Variants in PCDHA1 observed in about 807,000 individuals in gnomAD.
The protein encoded by PCDHA1 is protocadherin alpha 1.
Under a neutral mutation model 61.3 loss-of-function variants are expected in PCDHA1, and 42 were observed. That is an observed-to-expected ratio of 0.69 (90% CI 0.54 to 0.89). The LOEUF (loss-of-function observed/expected upper bound fraction) is 0.89, where lower values mean the gene tolerates loss of function less well. PCDHA1 is among the 40% of genes least tolerant of loss of function. The pLI, the probability that PCDHA1 is intolerant of heterozygous loss-of-function variation, is 0.00. For missense variants in PCDHA1, 1,256 were observed against 1,235.3 expected, an observed-to-expected ratio of 1.02 and a Z score of -0.25; for synonymous variants, 610 against 553.8, an observed-to-expected ratio of 1.10 and a Z score of -1.43.
rs1219590569 is a variant in PCDHA1, at chr5:140,835,123, A to G, written c.2394+46439A>G. 4 of 1,326,346 alleles carry G rather than the reference A, an allele frequency of 3.0e-6. No homozygotes were observed. In the African/African-American group the frequency reaches 4.8e-5, roughly 16 times the overall value. The allele number at this position is 1,326,346 out of a possible 1,614,324, so 82.2% of individuals were successfully genotyped here. ...GCCCCAGTGTTCGACAGAACCCTGT[A>G]TACGGTGAAATTACCAGAAAACGTT... is the stretch of plus-strand genomic sequence containing the variant. On this transcript the variant is annotated intron_variant, in intron 1 of 3. Coordinates refer to ENST00000504120, the MANE Select transcript of PCDHA1 (RefSeq NM_018900.4).
At position 140,914,538 on chromosome 5, in the gene PCDHA1, T is replaced by C. The variant is rs1393710886; in HGVS notation, c.2395-64411T>C. ...TTTTTTCATCCATTCAGCCACTTTA[T>C]TTCTTTTTATTGGAGAGTTTAGTCC... is the stretch of plus-strand genomic sequence containing the variant. On this transcript the variant is annotated intron_variant, in intron 1 of 3. Transcript: ENST00000504120. 2.0e-5 allele frequency among the ~76,000 whole-genome samples: 3 copies of C among 152,198 alleles called. No individual in the cohort carries two copies. The East Asian group carries it at 5.8e-4, about 29-fold the overall frequency.
chr5:140,953,670 T>C (rs2094923970), intron 1 of PCDHA1, among the ~76,000 whole-genome samples: 1 of 152,212 alleles, frequency 6.6e-6, no homozygotes, highest in Non-Finnish European at 1.5e-5. Flanking sequence ...TGGAAGGGTC[T>C]GTTTATTATG....
At chr5:140,806,673 T>C (rs1554123662) in intron 1 of PCDHA1, among the ~76,000 whole-genome samples, 1 of 152,168 alleles carries the variant, frequency 6.6e-6, no homozygotes, top group East Asian at 1.9e-4. Context: ...AAAAAAACCC[T>C]GGAATTCTTG....
rs116160554 is a variant in PCDHA1, at chr5:140,845,319, C to A, written c.2394+56635C>A. Among the ~76,000 whole-genome samples the A allele has an allele frequency of 3.7e-3, 557 of 149,574 alleles. 34 individuals carry two copies. Among genetic ancestry groups the A allele is most frequent in the African/African-American group, 0.011 (448 of 40,946 alleles). ...ATGTCTACCTGGTTCTCAGGTATTA[C>A]TTTAATTACTGAATTCTCCTAAACA... On this transcript the variant is annotated intron_variant, in intron 1 of 3. Coordinates refer to ENST00000504120, the MANE Select transcript of PCDHA1 (RefSeq NM_018900.4).
chr5:140,801,163 T>C (rs782264526), intron 1 of PCDHA1: 2 of 1,557,588 alleles, frequency 1.3e-6, no homozygotes, highest in Non-Finnish European at 1.7e-6. Context: ...TTTGGATCAA[T>C]GTAAAGGCAA....
intron 1 of PCDHA1, chr5:140,842,374 A>C: frequency 6.2e-7 from 1 of 1,609,340 alleles, no homozygotes; most frequent in Non-Finnish European, 8.5e-7. Flanking sequence ...CTGAGATAGC[A>C]CTGACTTCCT....
chr5:140,787,919 G>A lies in PCDHA1; in HGVS notation c.1629G>A (p.Pro543=). Residue 543 remains proline (P), a synonymous_variant, in exon 1 of 4, where the codon CCG becomes CCA. Coordinates refer to ENST00000504120, the MANE Select transcript of PCDHA1 (RefSeq NM_018900.4). ...TGAGCGCGCGGGATGCGGGCGTGCC[G>A]CCTCTGGGCAGCAACGTGACGCTGC... ...FQVSARDAGV[P]PLGSNVTLQV... is the part of the protein sequence containing the mutation. 3 of 1,613,718 alleles carry A rather than the reference G, an allele frequency of 1.9e-6. No homozygotes were observed. The highest frequency in any genetic ancestry group is 2.2e-5 in the East Asian group (1 of 44,868).
At chr5:140,925,408 G>C (rs2082482597) in intron 1 of PCDHA1, among the ~76,000 whole-genome samples, 1 of 152,058 alleles carries the variant, frequency 6.6e-6, no homozygotes, top group Non-Finnish European at 1.5e-5. Flanking sequence ...TCCTTCTTAG[G>C]GAAAGGAACT....
At chr5:140,856,168 C>G in intron 1 of PCDHA1, 1 of 1,598,314 alleles carries the variant, frequency 6.3e-7, no homozygotes, top group Non-Finnish European at 8.6e-7. Context: ...AGGCCAGACA[C>G]GGCACCTTCG....
chr5:140,789,597 A>G (rs1761539642), intron 1 of PCDHA1, among the ~76,000 whole-genome samples: 1 of 152,188 alleles, frequency 6.6e-6, no homozygotes, highest in Admixed American at 6.5e-5. Flanking sequence ...TTAACCTTGA[A>G]TTCCCCTGGG....
At chr5:140,857,404 T>G (rs150677637) in intron 1 of PCDHA1, 4 of 1,597,852 alleles carry the variant, frequency 2.5e-6, no homozygotes, top group African/African-American at 1.3e-5. Context: ...ACAACGCGCC[T>G]GCGTTCGCGC....
intron 1 of PCDHA1, chr5:140,857,579 G>A (rs782552455): frequency 3.1e-6 from 5 of 1,596,586 alleles, no homozygotes; most frequent in East Asian, 2.2e-5. Flanking sequence ...GTCGGTGCAC[G>A]CGGAGAGCGG....
At chr5:140,875,991 T>C in intron 1 of PCDHA1, 2 of 1,613,966 alleles carry the variant, frequency 1.2e-6, no homozygotes, top group South Asian at 2.2e-5. Context: ...ATGCGTTAAG[T>C]CTAAATGAGA....
intron 1 of PCDHA1, among the ~76,000 whole-genome samples, chr5:140,907,775 G>T (rs1217508105): frequency 4.6e-5 from 7 of 152,178 alleles, no homozygotes; most frequent in African/African-American, 1.7e-4. Flanking sequence ...TGATGACAGG[G>T]GTGGCTGGGG....
Position 141,000,418 on chromosome 5 carries a change from TA to T in PCDHA1, c.2543-9208del, listed in dbSNP as rs1328416600. 5.1e-3 allele frequency among the ~76,000 whole-genome samples: 429 copies of T among 83,548 alleles called. 3 individuals carry two copies. The highest frequency in any genetic ancestry group is 6.3e-3 in the Non-Finnish European group (284 of 45,190). 54.8% of individuals were successfully genotyped at this position (83,548 alleles called of 152,430 possible). A position where few individuals can be genotyped will look rare whatever the true frequency, so the allele number is the denominator to read the frequency against. ...CTCTATATATATATATATATATATA[TA>T]TATTTTTTTTTTTTTTTTTTTTTTT... On this transcript the variant is annotated intron_variant, in intron 3 of 3. Transcript: ENST00000504120.
intron 1 of PCDHA1, chr5:140,837,285 A>T (rs944502999): frequency 6.6e-6 from 1 of 151,990 alleles, no homozygotes; most frequent in Admixed American, 6.6e-5. Flanking sequence ...CTTCTTTTTA[A>T]CTTACTTTGT....
chr5:140,870,785 C>T, intron 1 of PCDHA1: 1 of 1,613,662 alleles, frequency 6.2e-7, no homozygotes, highest in East Asian at 2.2e-5. Context: ...AACGACAACG[C>T]GCCGGCACTG....
chr5:140,975,686 A>G (rs558112597), intron 1 of PCDHA1, among the ~76,000 whole-genome samples: 1 of 152,328 alleles, frequency 6.6e-6, no homozygotes, highest in East Asian at 1.9e-4. Flanking sequence ...AAAATAGGGT[A>G]TTTTAAACTT....
chr5:140,947,103 G>A (rs1355984234), intron 1 of PCDHA1, among the ~76,000 whole-genome samples: 1 of 151,176 alleles, frequency 6.6e-6, no homozygotes, highest in Admixed American at 6.6e-5. Flanking sequence ...CCATAAATAG[G>A]TACGTGTCAA....
Sources: gnomAD v4.1 joint callset for allele counts (sites outside exome capture counted in the v4.1 genomes callset) on GRCh38, gnomAD v4.1.1 for gene constraint, MANE v1.5 for transcripts, NCBI Gene and HGNC (gene_info 2026-07-23, HGNC 2026-07-21) for gene names.